SLC12A6: variants seen among roughly 807,000 people sequenced by gnomAD.
The protein encoded by SLC12A6 is K-Cl cotransporter 3.
Under a neutral mutation model 135.3 loss-of-function variants are expected in SLC12A6, and 66 were observed. The ratio of observed to expected loss-of-function variants is 0.49; its 90% CI spans 0.40 to 0.60. The LOEUF (loss-of-function observed/expected upper bound fraction) is 0.60, where lower values mean the gene tolerates loss of function less well. Ranked by LOEUF, SLC12A6 falls within the 20% of genes least tolerant of loss-of-function variation. The probability of loss-of-function intolerance (pLI) is 0.00; values close to 1 mark genes in which losing one functional copy is unlikely to be tolerated. For missense variants in SLC12A6, 1,058 were observed against 1,452.3 expected (o/e 0.73, Z 4.41); for synonymous variants, 513 against 508.8 (o/e 1.01, Z -0.11).
At chr15:34,245,562 TTTAGAGG>T in intron 14 of SLC12A6, 124 bp downstream of exon 14, 3 of 936,810 alleles carry the variant, frequency 3.2e-6, no homozygotes, top group Non-Finnish European at 5.3e-6. Flanking sequence ...ATGCTTGGGA[TTTAGAGG>T]TTCTTGTACT....
chr15:34,231,947 A>G lies in SLC12A6; in HGVS notation c.*1934T>C, dbSNP rs1254178287. ...GGGTTTTCTCTGTCCTTACAGGTCA[A>G]ATGAATAATTTGTGACACCTAGGTC... is the stretch of plus-strand genomic sequence containing the variant. On this transcript the variant is annotated 3_prime_UTR_variant, in exon 26 of 26. Coordinates refer to ENST00000354181, the MANE Select transcript of SLC12A6 (RefSeq NM_001365088.1). The G allele has an allele frequency of 2.0e-5, 3 of 152,170 alleles. No individual in the cohort carries two copies. Among genetic ancestry groups the G allele is most frequent in the African/African-American group, 7.2e-5 (3 of 41,442 alleles). The allele number at this position is 152,170 out of a possible 1,614,324, so 9.4% of individuals were successfully genotyped here.
intron 2 of SLC12A6, among the ~76,000 whole-genome samples, chr15:34,308,385 G>A (rs1280684308): frequency 6.6e-6 from 1 of 152,144 alleles, no homozygotes; most frequent in Non-Finnish European, 1.5e-5. Context: ...AGCACTTTGG[G>A]AGACTGAGGT....
rs777451086 is a variant in SLC12A6, at chr15:34,239,014, A to G, written c.2583T>C (p.Pro861=). The change falls in exon 20 of 26, where the codon CCT becomes CCC. Residue 861 remains proline, a synonymous_variant. Transcript: ENST00000354181. ...MKHNTVVMGW[P]NGWRQSEDAR... is the part of the protein sequence containing the mutation. ...CATCTTCGCTTTGACGCCAGCCATT[A>G]GGCCAGCCCATCACCACCGTGTTGT... The G allele has an allele frequency of 1.9e-6, 3 of 1,614,186 alleles. No homozygotes were observed. The Admixed American group carries it at 5.0e-5, about 27-fold the overall frequency.
rs1888839924 is a variant in SLC12A6 at position 34,318,779 on chromosome 15, C to T, written c.271+17631G>A. On this transcript the variant is annotated intron_variant, in intron 2 of 25. Transcript: ENST00000354181. ...CTTGCTGTCGTTTCAGACTGTGATC[C>T]CTGCCTACAAGAGACAGTGGCTGGG... The T allele has an allele frequency of 2.5e-6, 4 of 1,584,148 alleles. No homozygotes were observed. In the Admixed American group the frequency reaches 7.0e-5, roughly 28 times the overall value.
intron 3 of SLC12A6, among the ~76,000 whole-genome samples, chr15:34,275,030 A>G (rs1894203119): frequency 1.3e-5 from 2 of 152,240 alleles, no homozygotes; most frequent in African/African-American, 2.4e-5. Context: ...AATTAGCTGC[A>G]AAGTCAGATA....
intron 22 of SLC12A6, chr15:34,237,069 C>T: frequency 2.0e-6 from 1 of 509,728 alleles, no homozygotes; most frequent in South Asian, 2.1e-5. Flanking sequence ...ATACAAACTC[C>T]AGTCTCTCTT....
intron 3 of SLC12A6, 23 bp downstream of exon 3, chr15:34,275,322 C>A: frequency 7.8e-7 from 1 of 1,288,264 alleles, no homozygotes; most frequent in South Asian, 1.2e-5. Flanking sequence ...TGGATAAAGT[C>A]AATCCCCACA....
At chr15:34,335,565 A>G (rs932526570) in intron 2 of SLC12A6, among the ~76,000 whole-genome samples, 3 of 152,222 alleles carry the variant, frequency 2.0e-5, no homozygotes, top group African/African-American at 7.2e-5. Flanking sequence ...ACAGGTCTCA[A>G]ACTTTTAAAT....
At position 34,242,156 on chromosome 15, in the gene SLC12A6, G is replaced by T; in HGVS notation, c.2108C>A (p.Ala703Asp). The part of the protein sequence containing the change: ...ALMFISSWYY[A>D]IVAMVIAGMI... ...ACCAGCTATTACCATGGCTACAATG[G>T]CATAATACCAGGAAGAAATGAACAT... The change falls in exon 17 of 26, where the codon GCC becomes GAC. Residue 703 changes from alanine (A) to aspartate (D), a missense_variant. By Grantham distance (126) the Ala-to-Asp change is moderately radical. Around this residue, in one of 6 missense-constraint regions of SLC12A6, gnomAD observed 170 missense variants for 297.6 expected, o/e 0.57. Transcript: ENST00000354181. The T allele has an allele frequency of 6.3e-7, 1 of 1,584,526 alleles. No individual in the cohort carries two copies. Among genetic ancestry groups the T allele is most frequent in the Non-Finnish European group, 8.7e-7 (1 of 1,153,332 alleles).
At chr15:34,318,545 C>T (rs1888815358) in intron 2 of SLC12A6, 2 of 1,607,676 alleles carry the variant, frequency 1.2e-6, no homozygotes, top group Non-Finnish European at 1.7e-6. Flanking sequence ...CAAAAGCTCC[C>T]AAGTTGCGTA....
chr15:34,307,932 A>C (rs1222106428), intron 2 of SLC12A6, among the ~76,000 whole-genome samples: 4 of 152,182 alleles, frequency 2.6e-5, no homozygotes, highest in Admixed American at 2.0e-4. Context: ...AATAAATGAG[A>C]TCTAATTTAC....
intron 2 of SLC12A6, among the ~76,000 whole-genome samples, chr15:34,315,831 T>G (rs1438668452): frequency 6.6e-6 from 1 of 151,956 alleles, no homozygotes; most frequent in African/African-American, 2.4e-5. Context: ...TACAAAAAAT[T>G]AGCCAGGTGT....
intron 3 of SLC12A6, among the ~76,000 whole-genome samples, chr15:34,273,484 G>GT (rs1456003336): frequency 2.6e-5 from 4 of 152,174 alleles, no homozygotes; most frequent in Non-Finnish European, 4.4e-5. Flanking sequence ...GTCAGGTACT[G>GT]TTTCAGCATA....
At chr15:34,267,221 C>G (rs1217222773) in intron 3 of SLC12A6, among the ~76,000 whole-genome samples, 1 of 149,986 alleles carries the variant, frequency 6.7e-6, no homozygotes, top group East Asian at 2.0e-4. Context: ...GTCCAACGTT[C>G]CCAGTAGTCT....
chr15:34,257,814 A>T (rs1372773834), intron 5 of SLC12A6, 26 bp from the exon 6 acceptor site: 6 of 1,546,246 alleles, frequency 3.9e-6, no homozygotes, highest in Non-Finnish European at 5.4e-6. Context: ...TTGATAAAAA[A>T]TCACACAGTT....
intron 2 of SLC12A6, among the ~76,000 whole-genome samples, chr15:34,316,627 T>C (rs530086426): frequency 6.6e-6 from 1 of 152,344 alleles, no homozygotes; most frequent in South Asian, 2.1e-4. Flanking sequence ...ACTTCTTCCT[T>C]GTTAAAAGCA....
chr15:34,250,884 A>G lies in SLC12A6; in HGVS notation c.1492+15T>C, dbSNP rs766179637. On this transcript the variant is annotated intron_variant, in intron 11 of 25. Coordinates refer to ENST00000354181, the MANE Select transcript of SLC12A6 (RefSeq NM_001365088.1). The stretch of plus-strand genomic sequence containing the variant: ...TCTGACAGCTTCTAAAATATACAAC[A>G]GCCTATGTGTTTACCTGTAACAGAG... 1.2e-6 allele frequency: 2 copies of G among 1,601,638 alleles called. No individual in the cohort carries two copies. The highest frequency in any genetic ancestry group is 1.7e-6 in the Non-Finnish European group (2 of 1,168,600).
rs1179274303 is a variant in SLC12A6 at position 34,233,415 on chromosome 15, T to C, written c.*466A>G. The C allele has an allele frequency of 6.2e-6, 1 of 162,108 alleles. No homozygotes were observed. Among genetic ancestry groups the C allele is most frequent in the Admixed American group, 5.8e-5 (1 of 17,228 alleles). The allele number at this position is 162,108 out of a possible 1,614,324, so 10.0% of individuals were successfully genotyped here. ...TTGCATCTTGGCTTGCCGAGGATAATAGGTCCAAATATACTTGACCATAAA... is the reference window on the plus strand; with the variant it reads ...TTGCATCTTGGCTTGCCGAGGATAACAGGTCCAAATATACTTGACCATAAA... On this transcript the variant is annotated 3_prime_UTR_variant, in exon 26 of 26. Transcript: ENST00000354181.
At chr15:34,256,186 G>A in intron 7 of SLC12A6, 43 bp downstream of exon 7, 2 of 1,258,424 alleles carry the variant, frequency 1.6e-6, no homozygotes, top group Non-Finnish European at 2.3e-6. Context: ...TAAACACAGA[G>A]TCAACACTGA....
Sources: allele counts gnomAD v4.1 joint callset (sites outside exome capture counted in the v4.1 genomes callset), GRCh38; gene constraint gnomAD v4.1.1; regional missense constraint gnomAD v4.1.1; transcripts MANE v1.5; gene names NCBI Gene and HGNC (gene_info 2026-07-23, HGNC 2026-07-21).